The following DCLK1 variants were observed in gnomAD, a reference collection of about 807,000 sequenced individuals.
DCLK1 encodes serine/threonine-protein kinase DCLK1.
A neutral mutation model predicts 86.2 loss-of-function variants in DCLK1; 16 were observed. The observed-to-expected ratio is 0.19, with a 90% confidence interval of 0.13 to 0.28. DCLK1 has a LOEUF of 0.28. Ranked by LOEUF, DCLK1 falls within the 10% of genes least tolerant of loss-of-function variation. The pLI, the probability that DCLK1 is intolerant of heterozygous loss-of-function variation, is 1.00. For synonymous variants in DCLK1, 369 were observed against 370.5 expected (o/e 1.00, Z 0.05); for missense variants, 590 against 940.2 (o/e 0.63, Z 4.87).
At chr13:35,996,532 G>C (rs1302749065) in intron 3 of DCLK1, among the ~76,000 whole-genome samples, 1 of 152,164 alleles carries the variant, frequency 6.6e-6, no homozygotes, top group Non-Finnish European at 1.5e-5. Context: ...TCATCTATTG[G>C]TTGACAGCTT....
intron 6 of DCLK1, among the ~76,000 whole-genome samples, chr13:35,845,264 A>G (rs1254775349): frequency 1.3e-5 from 2 of 151,946 alleles, no homozygotes; most frequent in East Asian, 1.9e-4. Context: ...ATATGTATAT[A>G]TTTTTTCTAG....
At chr13:35,883,332 G>A (rs752157095) in intron 4 of DCLK1, among the ~76,000 whole-genome samples, 17 of 152,072 alleles carry the variant, frequency 1.1e-4, no homozygotes, top group Non-Finnish European at 2.1e-4. Flanking sequence ...GTGTGTTCTC[G>A]CTCTGTTAGT....
chr13:35,806,852 C>A (rs17052887), intron 14 of DCLK1, among the ~76,000 whole-genome samples: 3 of 152,044 alleles, frequency 2.0e-5, no homozygotes, highest in African/African-American at 7.2e-5. Context: ...CTTTAGCCTG[C>A]GCCTTTCTCT....
At chr13:35,915,858 T>C (rs1875374432) in intron 4 of DCLK1, among the ~76,000 whole-genome samples, 1 of 152,214 alleles carries the variant, frequency 6.6e-6, no homozygotes, top group Non-Finnish European at 1.5e-5. Flanking sequence ...CACTAACCTG[T>C]GTAGGCTGCC....
At chr13:35,779,368 AC>A (rs1260425847) in intron 16 of DCLK1, among the ~76,000 whole-genome samples, 1 of 152,178 alleles carries the variant, frequency 6.6e-6, no homozygotes, top group African/African-American at 2.4e-5. Context: ...TTTTGACCAA[AC>A]TTTTGGGAAT....
intron 6 of DCLK1, among the ~76,000 whole-genome samples, chr13:35,843,361 T>C (rs753183254): frequency 1.3e-5 from 2 of 152,208 alleles, no homozygotes; most frequent in African/African-American, 2.4e-5. Context: ...TGGATGCTTT[T>C]ATGGCACACC....
intron 15 of DCLK1, among the ~76,000 whole-genome samples, chr13:35,796,701 G>A (rs1373307597): frequency 6.6e-6 from 1 of 152,152 alleles, no homozygotes. Flanking sequence ...AGTCAGCATT[G>A]AACCAGGCCT....
At chr13:36,087,440 T>C (rs1308825115) in intron 3 of DCLK1, among the ~76,000 whole-genome samples, 6 of 152,218 alleles carry the variant, frequency 3.9e-5, no homozygotes, top group Non-Finnish European at 8.8e-5. Context: ...TTTTCGCTTA[T>C]GTTGTAATTA....
chr13:36,075,379 G>A (rs1057207084), intron 3 of DCLK1, among the ~76,000 whole-genome samples: 14 of 152,118 alleles, frequency 9.2e-5, no homozygotes, highest in Admixed American at 1.3e-4. Flanking sequence ...GAAGCACAGA[G>A]TTAGGGGAAA....
chr13:35,931,210 G>A lies in DCLK1; in HGVS notation c.823+16148C>T, dbSNP rs529129444. 1.9e-4 allele frequency among the ~76,000 whole-genome samples: 29 copies of A among 152,108 alleles called. 1 individual carries two copies. In the South Asian group the frequency reaches 5.4e-3, roughly 28 times the overall value. On this transcript the variant is annotated intron_variant, in intron 4 of 16. Coordinates refer to ENST00000360631, the MANE Select transcript of DCLK1 (RefSeq NM_001330071.2). ...GGCCTCTAGCAGCGTAACTCAGTTG[G>A]GAAAAACAAGGGCCTGGAAATCAGA...
Position 35,771,507 on chromosome 13 carries a change from G to A in DCLK1, c.*3028C>T, listed in dbSNP as rs1179776089. ...ATTCATTGATCATGACGAATAAAAT[G>A]ATTTCTGCTACAATGTTGAGAAAAA... On this transcript the variant is annotated 3_prime_UTR_variant, in exon 17 of 17. Coordinates refer to ENST00000360631, the MANE Select transcript of DCLK1 (RefSeq NM_001330071.2). 1 of 152,126 alleles carries A rather than the reference G, an allele frequency of 6.6e-6. No individual in the cohort carries two copies. Among genetic ancestry groups the A allele is most frequent in the Non-Finnish European group, 1.5e-5 (1 of 68,038 alleles). The allele number at this position is 152,126 out of a possible 1,614,324, so 9.4% of individuals were successfully genotyped here. A position where few individuals can be genotyped will look rare whatever the true frequency, so the allele number is the denominator to read the frequency against.
intron 1 of DCLK1, among the ~76,000 whole-genome samples, chr13:36,128,989 C>G (rs1240009811): frequency 6.6e-6 from 1 of 152,174 alleles, no homozygotes; most frequent in Non-Finnish European, 1.5e-5. Flanking sequence ...AGTACTCACA[C>G]CAACTCACTA....
intron 4 of DCLK1, among the ~76,000 whole-genome samples, chr13:35,874,975 A>T (rs1872512921): frequency 6.6e-6 from 1 of 152,254 alleles, no homozygotes; most frequent in African/African-American, 2.4e-5. Flanking sequence ...TCACGTGGCC[A>T]CTACGTGCCA....
intron 5 of DCLK1, chr13:35,869,099 C>A (rs1238905176): frequency 2.0e-6 from 1 of 509,716 alleles, no homozygotes; most frequent in African/African-American, 1.9e-5. Flanking sequence ...GCCTATAGCC[C>A]AGATTTAATC....
chr13:36,093,424 C>G (rs1417452081), intron 3 of DCLK1, among the ~76,000 whole-genome samples: 1 of 152,198 alleles, frequency 6.6e-6, no homozygotes. Context: ...CTACAAATCA[C>G]CTACTTAAGT....
intron 6 of DCLK1, chr13:35,846,199 A>C (rs904889190): frequency 2.0e-6 from 2 of 985,364 alleles, no homozygotes; most frequent in South Asian, 9.4e-5. Context: ...ATCAACTGAA[A>C]CTGTGAGCAG....
intron 4 of DCLK1, among the ~76,000 whole-genome samples, chr13:35,936,559 C>G (rs1046611402): frequency 2.6e-5 from 4 of 152,170 alleles, no homozygotes; most frequent in Non-Finnish European, 4.4e-5. Flanking sequence ...GCGATGCTCC[C>G]CTTCACCTCA....
At position 35,839,150 on chromosome 13, in the gene DCLK1, CGTAGA is replaced by C; in HGVS notation, c.1057_1061del (p.Ser353ValfsTer13). 2 of 1,589,590 alleles carry C rather than the reference CGTAGA, an allele frequency of 1.3e-6. No individual in the cohort carries two copies. Among genetic ancestry groups the C allele is most frequent in the Non-Finnish European group, 1.7e-6 (2 of 1,168,092 alleles). On this transcript the variant is annotated frameshift_variant, in exon 7 of 17. Coordinates refer to ENST00000360631, the MANE Select transcript of DCLK1 (RefSeq NM_001330071.2). LOFTEE classifies it high-confidence loss of function. ...TGCAGACTTTGGTGGACGCAAGTGA[CGTAGA>C]GGAGCCGCCATGCTGAGAGCTCTGT...
At chr13:35,877,323 C>A (rs369048952) in intron 4 of DCLK1, among the ~76,000 whole-genome samples, 37 of 152,316 alleles carry the variant, frequency 2.4e-4, no homozygotes, top group South Asian at 6.2e-4. Flanking sequence ...ATCCTCCCCC[C>A]ACTCAGAAAC....
Sources: allele counts gnomAD v4.1 joint callset (sites outside exome capture counted in the v4.1 genomes callset), GRCh38; gene constraint gnomAD v4.1.1; transcripts MANE v1.5; gene names NCBI Gene and HGNC (gene_info 2026-07-23, HGNC 2026-07-21).